Variants in SLC35F4 observed in about 807,000 individuals in gnomAD.
The protein encoded by SLC35F4 is chromosome 14 open reading frame 36.
SLC35F4 carries 24 observed loss-of-function variants against 44.2 expected under a neutral mutation model. The ratio of observed to expected loss-of-function variants is 0.54; its 90% CI spans 0.39 to 0.76. The LOEUF is 0.76. SLC35F4 is among the 30% of genes least tolerant of loss of function. SLC35F4 has a pLI of 0.00. For synonymous variants in SLC35F4, 238 were observed against 223.6 expected (o/e 1.06, Z -0.57); for missense variants, 562 against 586.1 (o/e 0.96, Z 0.42).
At chr14:57,771,500 G>A (rs1157286687) in intron 1 of SLC35F4, among the ~76,000 whole-genome samples, 1 of 152,162 alleles carries the variant, frequency 6.6e-6, no homozygotes, top group Non-Finnish European at 1.5e-5. Context: ...GTTAAAACTT[G>A]GCTCTATACA....
At chr14:57,809,161 C>T (rs1881687143) in intron 1 of SLC35F4, among the ~76,000 whole-genome samples, 1 of 152,170 alleles carries the variant, frequency 6.6e-6, no homozygotes, top group African/African-American at 2.4e-5. Flanking sequence ...TCTACCACTT[C>T]AGTTTCACCT....
chr14:57,723,231 GCATAATTGGCATAGA>G (rs2076126213), intron 1 of SLC35F4, among the ~76,000 whole-genome samples: 1 of 125,928 alleles, frequency 7.9e-6, no homozygotes, highest in African/African-American at 2.9e-5. Flanking sequence ...GTGCCAGAAT[GCATAATTGGCATAGA>G]CATACTTAGC....
intron 1 of SLC35F4, among the ~76,000 whole-genome samples, chr14:57,735,071 C>T (rs1344592360): frequency 6.6e-6 from 1 of 151,960 alleles, no homozygotes. Flanking sequence ...ATGACAAGTA[C>T]TGACATCTGT....
intron 1 of SLC35F4, among the ~76,000 whole-genome samples, chr14:57,966,568 C>A (rs901924114): frequency 6.6e-6 from 1 of 152,208 alleles, no homozygotes; most frequent in Non-Finnish European, 1.5e-5. Flanking sequence ...TGCTGACAAA[C>A]TACCAATCCC....
At chr14:57,603,383 G>A (rs2070949462) in intron 1 of SLC35F4, among the ~76,000 whole-genome samples, 1 of 152,132 alleles carries the variant, frequency 6.6e-6, no homozygotes, top group South Asian at 2.1e-4. Context: ...TAGCTACCCA[G>A]CACCCAACCC....
intron 1 of SLC35F4, among the ~76,000 whole-genome samples, chr14:57,865,009 A>T (rs766777302): frequency 6.6e-6 from 1 of 151,500 alleles, no homozygotes; most frequent in Non-Finnish European, 1.5e-5. Flanking sequence ...GAAAGCGGTG[A>T]CCGCGACGTG....
chr14:57,717,049 T>C (rs1245805761), intron 1 of SLC35F4, among the ~76,000 whole-genome samples: 1 of 152,202 alleles, frequency 6.6e-6, no homozygotes, highest in Non-Finnish European at 1.5e-5. Flanking sequence ...AGCATTTTTA[T>C]ATGACTTAAT....
intron 1 of SLC35F4, among the ~76,000 whole-genome samples, chr14:57,895,013 C>A (rs1412404482): frequency 6.6e-6 from 1 of 152,116 alleles, no homozygotes; most frequent in South Asian, 2.1e-4. Flanking sequence ...AAAGAGTATG[C>A]ATTGAGTGCC....
chr14:57,837,951 A>G (rs891810882), intron 1 of SLC35F4, among the ~76,000 whole-genome samples: 4 of 152,164 alleles, frequency 2.6e-5, no homozygotes, highest in African/African-American at 9.7e-5. Context: ...TTTTATGGTT[A>G]CCATCTTTTT....
chr14:57,880,831 G>A (rs933175782), intron 1 of SLC35F4, among the ~76,000 whole-genome samples: 1 of 152,124 alleles, frequency 6.6e-6, no homozygotes, highest in African/African-American at 2.4e-5. Context: ...GAGCAGAGCA[G>A]ACTCCTCGAA....
At chr14:57,688,273 A>G (rs1353910296) in intron 1 of SLC35F4, among the ~76,000 whole-genome samples, 1 of 152,172 alleles carries the variant, frequency 6.6e-6, no homozygotes, top group Non-Finnish European at 1.5e-5. Flanking sequence ...GTTCCTGACT[A>G]CTACGTACAG....
At chr14:57,782,722 T>C (rs1020075413) in intron 1 of SLC35F4, among the ~76,000 whole-genome samples, 2 of 152,210 alleles carry the variant, frequency 1.3e-5, no homozygotes, top group Admixed American at 1.3e-4. Context: ...GTAAATTGTG[T>C]ATGACAGTAA....
chr14:57,977,601 C>A (rs559654219), intron 1 of SLC35F4, among the ~76,000 whole-genome samples: 1 of 152,286 alleles, frequency 6.6e-6, no homozygotes, highest in African/African-American at 2.4e-5. Context: ...ATGGTACATT[C>A]AGGATCAAAC....
At chr14:57,581,561 C>A (rs933942652) in intron 3 of SLC35F4, 128 bp from the exon 4 acceptor site, 78 of 827,320 alleles carry the variant, frequency 9.4e-5, no homozygotes, top group Non-Finnish European at 1.3e-4. Flanking sequence ...GTGAAGTATA[C>A]TGAACCCAGT....
chr14:57,927,817 C>T (rs1889611333), intron 1 of SLC35F4, among the ~76,000 whole-genome samples: 1 of 152,058 alleles, frequency 6.6e-6, no homozygotes, highest in Admixed American at 6.6e-5. Flanking sequence ...CTAACTATTA[C>T]AGAATCTTTC....
intron 1 of SLC35F4, among the ~76,000 whole-genome samples, chr14:57,874,804 G>T (rs1566918496): frequency 1.3e-5 from 2 of 152,032 alleles, no homozygotes; most frequent in African/African-American, 4.8e-5. Context: ...GCTGAGCCCT[G>T]GGCTTGGTAG....
chr14:57,832,985 C>T (rs1884535553), intron 1 of SLC35F4, among the ~76,000 whole-genome samples: 1 of 152,146 alleles, frequency 6.6e-6, no homozygotes, highest in Non-Finnish European at 1.5e-5. Flanking sequence ...AGAATTTGTT[C>T]ATTTCTTTAA....
At chr14:57,626,776 A>T (rs550009739) in intron 1 of SLC35F4, among the ~76,000 whole-genome samples, 2 of 152,282 alleles carry the variant, frequency 1.3e-5, no homozygotes, top group African/African-American at 4.8e-5. Flanking sequence ...TTCATACTAA[A>T]TATGTTCTCA....
chr14:57,958,354 G>A (rs983132961), intron 1 of SLC35F4, among the ~76,000 whole-genome samples: 3 of 152,302 alleles, frequency 2.0e-5, no homozygotes, highest in Middle Eastern at 3.4e-3. Flanking sequence ...CACTGCGCCA[G>A]GCAATTAGAT....
Sources: gnomAD v4.1 joint callset for allele counts (sites outside exome capture counted in the v4.1 genomes callset) on GRCh38, gnomAD v4.1.1 for gene constraint, MANE v1.5 for transcripts, NCBI Gene and HGNC (gene_info 2026-07-23, HGNC 2026-07-21) for gene names.